Variants in TIGIT observed in about 807,000 individuals in gnomAD.
TIGIT encodes the protein T-cell immunoreceptor with Ig and ITIM domains.
In TIGIT, 11 loss-of-function variants were observed where a neutral mutation model predicts 19.6. The observed-to-expected ratio is 0.56, with a 90% CI of 0.35 to 0.93. The LOEUF (loss-of-function observed/expected upper bound fraction) is 0.93, where lower values mean the gene tolerates loss of function less well. Among genes scored for constraint, TIGIT ranks in the 40% least tolerant of loss-of-function variants. The pLI is 0.01. For missense variants in TIGIT, 295 were observed against 303.9 expected (o/e 0.97, Z 0.22); for synonymous variants, 130 against 125.5 (o/e 1.04, Z -0.24).
At chr3:114,305,901 G>GATAT (rs1260831702) in intron 3 of TIGIT, among the ~76,000 whole-genome samples, 1 of 150,402 alleles carries the variant, frequency 6.6e-6, no homozygotes, top group African/African-American at 2.4e-5. Flanking sequence ...TAGATAGATA[G>GATAT]ATAGATGAGG....
chr3:114,305,822 ATGGATGGT>A (rs1352420783), intron 3 of TIGIT, among the ~76,000 whole-genome samples: 1 of 127,784 alleles, frequency 7.8e-6, no homozygotes, highest in African/African-American at 2.7e-5. Flanking sequence ...GGATGGATGG[ATGGATGGT>A]TGGATGGATG....
intron 3 of TIGIT, among the ~76,000 whole-genome samples, chr3:114,303,586 T>TATATGTGTATATATATAC (rs1560033631): frequency 8.3e-5 from 2 of 24,064 alleles, no homozygotes; most frequent in African/African-American, 1.5e-4. Context: ...TATATATATA[T>TATATGTGTATATATATAC]ACATATATAT....
intron 3 of TIGIT, among the ~76,000 whole-genome samples, chr3:114,305,830 TTGGA>T (rs1180917780): frequency 9.0e-6 from 1 of 110,778 alleles, no homozygotes; most frequent in Non-Finnish European, 2.1e-5. Flanking sequence ...GGATGGATGG[TTGGA>T]TGGATGGATG....
In TIGIT at chr3:114,296,091, A is replaced by T. The variant is rs527901850; in HGVS notation, c.391+217A>T. On this transcript the variant is annotated intron_variant, in intron 2 of 3. Coordinates refer to ENST00000383671, the MANE Select transcript of TIGIT (RefSeq NM_173799.4). ...AAGGGTAAGGTCTAAAAGCATTTCC[A>T]GGTGATTCTAATGGGCAGCCAATAC... The T allele has an allele frequency of 1.6e-4, 79 of 500,300 alleles. No individual in the cohort carries two copies. The South Asian group carries it at 2.4e-3, about 15-fold the overall frequency. 31.0% of individuals were successfully genotyped at this position (500,300 alleles called of 1,614,324 possible).
At chr3:114,301,139 T>A (rs2078489613) in intron 3 of TIGIT, among the ~76,000 whole-genome samples, 1 of 152,194 alleles carries the variant, frequency 6.6e-6, no homozygotes, top group Non-Finnish European at 1.5e-5. Flanking sequence ...TCTGATCTCT[T>A]GGGCCCTTTA....
Position 114,308,216 on chromosome 3 carries a change from TGC to T in TIGIT, c.*87_*88del. 3.0e-6 allele frequency: 3 copies of T among 984,592 alleles called. No homozygotes were observed. The highest frequency in any genetic ancestry group is 1.6e-6 in the Non-Finnish European group (1 of 634,792). The allele number at this position is 984,592 out of a possible 1,614,324, so 61.0% of individuals were successfully genotyped here. On this transcript the variant is annotated 3_prime_UTR_variant, in exon 4 of 4. Transcript: ENST00000383671. Reference sequence around the variant, plus strand: ...AAGCAGCTGTACTCTCCATCAGTGCTGCGTGTGTGTGTGTGTGTGTATGTGTG... The same window carrying T: ...AAGCAGCTGTACTCTCCATCAGTGCTGTGTGTGTGTGTGTGTGTATGTGTG...
Position 114,308,194 on chromosome 3 carries a change from C to A in TIGIT, c.*63C>A. 1.5e-6 allele frequency: 2 copies of A among 1,314,376 alleles called. No individual in the cohort carries two copies. The highest frequency in any genetic ancestry group is 1.5e-5 in the African/African-American group (1 of 68,838). The allele number at this position is 1,314,376 out of a possible 1,614,324, so 81.4% of individuals were successfully genotyped here. A position where few individuals can be genotyped will look rare whatever the true frequency, so the allele number is the denominator to read the frequency against. ...TTGCTATTATAGATGAATATATAAG[C>A]AGCTGTACTCTCCATCAGTGCTGCG... is the stretch of plus-strand genomic sequence containing the variant. On this transcript the variant is annotated 3_prime_UTR_variant, in exon 4 of 4. Coordinates refer to ENST00000383671, the MANE Select transcript of TIGIT (RefSeq NM_173799.4).
intron 3 of TIGIT, among the ~76,000 whole-genome samples, chr3:114,302,922 T>C (rs1414965356): frequency 1.3e-5 from 2 of 152,172 alleles, no homozygotes; most frequent in Non-Finnish European, 2.9e-5. Flanking sequence ...AGGCAGATAG[T>C]ATATCTTTTT....
chr3:114,294,210 C>T (rs528493944), intron 1 of TIGIT, 88 bp downstream of exon 1: 1 of 1,000,686 alleles, frequency 1.0e-6, no homozygotes, highest in Admixed American at 2.7e-5. Context: ...GGGAAGACTC[C>T]AAGAGCATGC....
At chr3:114,307,803 G>A in intron 3 of TIGIT, 92 bp from the exon 4 acceptor site, 1 of 1,153,648 alleles carries the variant, frequency 8.7e-7, no homozygotes, top group Non-Finnish European at 1.3e-6. Flanking sequence ...TGGTGTGCAT[G>A]TGTGTAAGAA....
chr3:114,299,666 G>T lies in TIGIT; in HGVS notation c.461G>T (p.Cys154Phe). 1 of 1,613,122 alleles carries T rather than the reference G, an allele frequency of 6.2e-7. No individual in the cohort carries two copies. The change falls in exon 3 of 4, where the codon TGC (cysteine) becomes TTC (phenylalanine). Residue 154 changes from cysteine to phenylalanine, a missense_variant. By Grantham distance (205) the Cys-to-Phe change is radical. Transcript: ENST00000383671. ...GAMAATLVVICTAVIVVVALT... is the reference protein window; with the variant it reads ...GAMAATLVVIFTAVIVVVALT... ...ATGGCCGCGACGCTGGTGGTCATCT[G>T]CACAGCAGTCATCGTGGTGGTCGCG...
chr3:114,297,882 C>G (rs191674820), intron 2 of TIGIT, among the ~76,000 whole-genome samples: 57 of 152,362 alleles, frequency 3.7e-4, no homozygotes, highest in African/African-American at 1.3e-3. Context: ...TTGCAGACTC[C>G]AGGGAACACC....
At chr3:114,304,402 C>T (rs1353906655) in intron 3 of TIGIT, among the ~76,000 whole-genome samples, 3 of 152,170 alleles carry the variant, frequency 2.0e-5, no homozygotes, top group Non-Finnish European at 4.4e-5. Context: ...ATTTTGTTCC[C>T]CTTTTCCATA....
chr3:114,302,812 A>C (rs895764529), intron 3 of TIGIT, among the ~76,000 whole-genome samples: 1 of 152,126 alleles, frequency 6.6e-6, no homozygotes, highest in Non-Finnish European at 1.5e-5. Context: ...CTATTATCTT[A>C]AGGGATGTTC....
intron 3 of TIGIT, among the ~76,000 whole-genome samples, chr3:114,303,735 G>T (rs1024866495): frequency 2.4e-4 from 36 of 151,580 alleles, no homozygotes; most frequent in African/African-American, 8.2e-4. Flanking sequence ...ATTGCAAATT[G>T]TGCTGCTTTT....
Position 114,294,112 on chromosome 3 carries a change from C to G in TIGIT, c.51C>G (p.Pro17=), listed in dbSNP as rs1483965232. The change falls in exon 1 of 4, where the codon CCC becomes CCG. Residue 17 remains proline (P), a synonymous_variant. Transcript: ENST00000383671. ...GGGCCCAGGGGCTGAGGCAGGCTCC[C>G]CTCGCCTCAGGTAAGGCCTGAAACC... ...LIWAQGLRQA[P]LASGMMTGTI... The G allele has an allele frequency of 3.9e-6, 6 of 1,554,208 alleles. No homozygotes were observed. Among genetic ancestry groups the G allele is most frequent in the African/African-American group, 1.4e-5 (1 of 73,378 alleles).
intron 2 of TIGIT, among the ~76,000 whole-genome samples, chr3:114,298,434 G>A (rs1005780035): frequency 1.3e-5 from 2 of 152,082 alleles, no homozygotes; most frequent in Non-Finnish European, 2.9e-5. Flanking sequence ...TGTCCCCAAG[G>A]TGTAAGAGAA....
At chr3:114,295,515 G>A in intron 1 of TIGIT, 30 bp from the exon 2 acceptor site, 1 of 1,577,516 alleles carries the variant, frequency 6.3e-7, no homozygotes, top group Non-Finnish European at 8.6e-7. Flanking sequence ...GCTGACCCAG[G>A]ACTCACATGT....
At position 114,294,052 on chromosome 3, in the gene TIGIT, G is replaced by A. The variant is rs1223947666; in HGVS notation, c.-10G>A. The A allele has an allele frequency of 1.0e-5, 16 of 1,551,410 alleles. No homozygotes were observed. Among genetic ancestry groups the A allele is most frequent in the Non-Finnish European group, 1.3e-5 (15 of 1,146,590 alleles). On this transcript the variant is annotated 5_prime_UTR_variant, in exon 1 of 4. Coordinates refer to ENST00000383671, the MANE Select transcript of TIGIT (RefSeq NM_173799.4). ...CACATCTGCTTCCTGTAGGCCCTCT[G>A]GGCAGAAGCATGCGCTGGTGTCTCC...
Sources: allele counts gnomAD v4.1 joint callset (sites outside exome capture counted in the v4.1 genomes callset), GRCh38; gene constraint gnomAD v4.1.1; transcripts MANE v1.5; gene names NCBI Gene and HGNC (gene_info 2026-07-23, HGNC 2026-07-21).